FAM171A1: variants seen among roughly 807,000 people sequenced by gnomAD.
The protein encoded by FAM171A1 is protein FAM171A1.
A neutral mutation model predicts 74.9 loss-of-function variants in FAM171A1; 23 were observed. The ratio of observed to expected loss-of-function variants is 0.31; its 90% CI spans 0.22 to 0.44. FAM171A1 has a LOEUF of 0.44. FAM171A1 is among the 20% of genes least tolerant of loss of function. The pLI is 1.00. For missense variants in FAM171A1, 1,162 were observed against 1,159.2 expected, an observed-to-expected ratio of 1.00 and a Z score of -0.03; for synonymous variants, 527 against 505.7, an observed-to-expected ratio of 1.04 and a Z score of -0.57.
At chr10:15,285,775 G>C (rs1257963294) in intron 1 of FAM171A1, among the ~76,000 whole-genome samples, 2 of 152,224 alleles carry the variant, frequency 1.3e-5, no homozygotes, top group African/African-American at 4.8e-5. Context: ...TGGCCAAGGA[G>C]GCTTGTGTTC....
chr10:15,318,469 G>A (rs534225498), intron 1 of FAM171A1, among the ~76,000 whole-genome samples: 11 of 152,312 alleles, frequency 7.2e-5, no homozygotes, highest in African/African-American at 2.4e-4. Context: ...TTGGCCTCTT[G>A]CAGAGAAATG....
At chr10:15,215,655 C>T (rs530515763) in intron 7 of FAM171A1, among the ~76,000 whole-genome samples, 5 of 152,284 alleles carry the variant, frequency 3.3e-5, no homozygotes, top group East Asian at 3.9e-4. Flanking sequence ...TGTGAGCCAA[C>T]GTCCCTGGCC....
At chr10:15,370,347 G>A (rs1363928025) in intron 1 of FAM171A1, among the ~76,000 whole-genome samples, 1 of 151,240 alleles carries the variant, frequency 6.6e-6, no homozygotes, top group Non-Finnish European at 1.5e-5. Context: ...TTATGGTCTG[G>A]AAGAGACGTC....
chr10:15,328,348 G>A (rs1021863833), intron 1 of FAM171A1, among the ~76,000 whole-genome samples: 23 of 152,132 alleles, frequency 1.5e-4, no homozygotes, highest in Non-Finnish European at 3.1e-4. Flanking sequence ...GTTTCACCAT[G>A]TTGGGAAGGC....
intron 3 of FAM171A1, among the ~76,000 whole-genome samples, chr10:15,263,877 ATCTATCTATCTATCTATCT>A (rs1211689016): frequency 6.6e-6 from 1 of 150,622 alleles, no homozygotes. Context: ...CTATCTATCT[ATCTATCTATCTATCTATCT>A]ATCTATCTAT....
chr10:15,357,968 T>A (rs1835952903), intron 1 of FAM171A1, among the ~76,000 whole-genome samples: 1 of 152,146 alleles, frequency 6.6e-6, no homozygotes, highest in African/African-American at 2.4e-5. Flanking sequence ...AAGCAAAGAT[T>A]GGAAGTAGAA....
intron 7 of FAM171A1, 33 bp downstream of exon 7, chr10:15,215,962 TA>T (rs1330619115): frequency 1.4e-6 from 2 of 1,423,562 alleles, no homozygotes; most frequent in Non-Finnish European, 1.9e-6. Flanking sequence ...AACTGTGAAT[TA>T]AAAAAGATAT....
At chr10:15,275,739 T>A (rs2131799386) in intron 3 of FAM171A1, 116 bp downstream of exon 3, 1 of 602,516 alleles carries the variant, frequency 1.7e-6, no homozygotes, top group South Asian at 3.9e-5. Context: ...TTAATGTGTT[T>A]GATTTAATCA....
intron 1 of FAM171A1, among the ~76,000 whole-genome samples, chr10:15,356,195 T>A (rs1242654905): frequency 6.6e-6 from 1 of 150,850 alleles, no homozygotes; most frequent in Non-Finnish European, 1.5e-5. Context: ...TAAAAATCAA[T>A]TCATATATAT....
chr10:15,295,417 C>T (rs566110186), intron 1 of FAM171A1, among the ~76,000 whole-genome samples: 12 of 152,338 alleles, frequency 7.9e-5, no homozygotes, highest in Non-Finnish European at 1.5e-4. Context: ...ACAGCTTCCA[C>T]CTGCTTTCTG....
At chr10:15,269,977 C>T (rs538547343) in intron 3 of FAM171A1, among the ~76,000 whole-genome samples, 17 of 152,186 alleles carry the variant, frequency 1.1e-4, no homozygotes, top group Non-Finnish European at 1.5e-4. Context: ...CCAAGGTGAG[C>T]GATGCAGAAG....
chr10:15,372,843 G>A (rs906953466), upstream of FAM171A1, among the ~76,000 whole-genome samples: 10 of 151,758 alleles, frequency 6.6e-5, no homozygotes, highest in Non-Finnish European at 1.5e-4. Context: ...CACTCCTGTC[G>A]GTATGCCTTC....
At chr10:15,300,139 A>C (rs575399605) in intron 1 of FAM171A1, among the ~76,000 whole-genome samples, 3 of 152,188 alleles carry the variant, frequency 2.0e-5, no homozygotes, top group Non-Finnish European at 4.4e-5. Context: ...AATCATATAC[A>C]TATGGGCTTA....
chr10:15,362,792 T>C (rs954524054), intron 1 of FAM171A1, among the ~76,000 whole-genome samples: 3 of 152,064 alleles, frequency 2.0e-5, no homozygotes, highest in African/African-American at 7.2e-5. Flanking sequence ...CATACGAGAG[T>C]TAGTGGGTTT....
chr10:15,238,272 A>G (rs1426502034), intron 5 of FAM171A1, among the ~76,000 whole-genome samples: 3 of 152,162 alleles, frequency 2.0e-5, no homozygotes. Context: ...ACTGAAGACT[A>G]TTTTTTAAAG....
intron 1 of FAM171A1, among the ~76,000 whole-genome samples, chr10:15,290,897 C>CGTATT (rs1835094801): frequency 6.6e-6 from 1 of 152,078 alleles, no homozygotes; most frequent in African/African-American, 2.4e-5. Flanking sequence ...CATGTACCGC[C>CGTATT]GTTTTGTTTT....
chr10:15,337,869 T>C (rs1010821839), intron 1 of FAM171A1, among the ~76,000 whole-genome samples: 2 of 152,100 alleles, frequency 1.3e-5, no homozygotes, highest in Admixed American at 1.3e-4. Context: ...GAGAATCACT[T>C]GAACCTGGGA....
intron 5 of FAM171A1, among the ~76,000 whole-genome samples, chr10:15,232,172 C>G (rs1180601119): frequency 6.6e-6 from 1 of 152,130 alleles, no homozygotes; most frequent in Non-Finnish European, 1.5e-5. Flanking sequence ...GCTTAGTGAC[C>G]TGGCTGGTTC....
chr10:15,352,830 T>C (rs1468429560), intron 1 of FAM171A1, among the ~76,000 whole-genome samples: 2 of 152,256 alleles, frequency 1.3e-5, no homozygotes, highest in Non-Finnish European at 2.9e-5. Flanking sequence ...TCTTGGAGTT[T>C]ACTTTCACCA....
Sources: allele counts gnomAD v4.1 joint callset (sites outside exome capture counted in the v4.1 genomes callset), GRCh38; gene constraint gnomAD v4.1.1; transcripts MANE v1.5; gene names NCBI Gene and HGNC (gene_info 2026-07-23, HGNC 2026-07-21).